NSL1: variants seen among roughly 807,000 people sequenced by gnomAD.
NSL1 encodes the protein kinetochore-associated protein NSL1 homolog.
NSL1 carries 11 observed loss-of-function variants against 25.4 expected under a neutral mutation model. The observed-to-expected ratio is 0.43, with a 90% CI of 0.27 to 0.72. The LOEUF (loss-of-function observed/expected upper bound fraction) is 0.72. NSL1 is among the 30% of genes least tolerant of loss of function. NSL1 has a pLI of 0.19. For synonymous variants in NSL1, 118 were observed against 120.6 expected, an observed-to-expected ratio of 0.98 and a Z score of 0.14; for missense variants, 330 against 342.7, an observed-to-expected ratio of 0.96 and a Z score of 0.29.
In NSL1 at chr1:212,727,023, G is replaced by C; in HGVS notation, c.*11385C>G. The C allele has an allele frequency of 7.5e-7, 1 of 1,330,328 alleles. No individual in the cohort carries two copies. The highest frequency in any genetic ancestry group is 1.4e-5 in the South Asian group (1 of 71,238). 82.4% of individuals were successfully genotyped at this position (1,330,328 alleles called of 1,614,324 possible). A position where few individuals can be genotyped will look rare whatever the true frequency, so the allele number is the denominator to read the frequency against. On this transcript the variant is annotated 3_prime_UTR_variant, in exon 6 of 6. Coordinates refer to ENST00000366977, the MANE Select transcript of NSL1 (RefSeq NM_015471.4). Reference sequence around the variant, plus strand: ...AGGCCCTCCAGTCCAGTCTACTCCGGCCTTGGAGATGACTGCCGAGAGAGG... The same window carrying C: ...AGGCCCTCCAGTCCAGTCTACTCCGCCCTTGGAGATGACTGCCGAGAGAGG...
intron 4 of NSL1, among the ~76,000 whole-genome samples, chr1:212,746,597 A>G (rs1175276146): frequency 6.6e-6 from 1 of 152,208 alleles, no homozygotes; most frequent in Non-Finnish European, 1.5e-5. Context: ...TGGCAAACGG[A>G]TAAGAAAGAC....
At chr1:212,778,931 C>T (rs1171908488) in intron 4 of NSL1, among the ~76,000 whole-genome samples, 5 of 150,434 alleles carry the variant, frequency 3.3e-5, no homozygotes, top group Non-Finnish European at 7.4e-5. Context: ...TCTGCCCAGC[C>T]GCCATCCCAT....
Position 212,733,469 on chromosome 1 carries a change from A to G in NSL1, c.*4939T>C, listed in dbSNP as rs183199385. Among the ~76,000 whole-genome samples the G allele has an allele frequency of 6.6e-6, 1 of 150,552 alleles. No homozygotes were observed. The highest frequency in any genetic ancestry group is 1.5e-5 in the Non-Finnish European group (1 of 67,784). On this transcript the variant is annotated 3_prime_UTR_variant, in exon 6 of 6. Coordinates refer to ENST00000366977, the MANE Select transcript of NSL1 (RefSeq NM_015471.4). Reference sequence around the variant, plus strand: ...AAAAAAAAATCCCATACCCATTAGCAGTCACTTCCTATTCCTTCCACCCTC... The same window carrying G: ...AAAAAAAAATCCCATACCCATTAGCGGTCACTTCCTATTCCTTCCACCCTC...
intron 2 of NSL1, 34 bp downstream of exon 2, chr1:212,787,525 C>A: frequency 6.7e-7 from 1 of 1,493,388 alleles, no homozygotes; most frequent in East Asian, 2.3e-5. Context: ...AAAAATAACC[C>A]AGAAATTAAT....
intron 4 of NSL1, among the ~76,000 whole-genome samples, chr1:212,770,957 C>T (rs1234097739): frequency 3.3e-5 from 5 of 152,262 alleles, no homozygotes; most frequent in South Asian, 4.1e-4. Flanking sequence ...AAATATCATA[C>T]TATCATCTCA....
chr1:212,739,456 A>G (rs1208129864), intron 5 of NSL1, 78 bp downstream of exon 5: 1 of 1,344,344 alleles, frequency 7.4e-7, no homozygotes, highest in Admixed American at 1.9e-5. Context: ...GCAGACTAAA[A>G]CACATATGAA....
Position 212,732,736 on chromosome 1 carries a change from A to T in NSL1, c.*5672T>A. The T allele has an allele frequency of 2.5e-6, 2 of 793,854 alleles. No homozygotes were observed. Among genetic ancestry groups the T allele is most frequent in the Non-Finnish European group, 3.1e-6 (2 of 654,858 alleles). 49.2% of individuals were successfully genotyped at this position (793,854 alleles called of 1,614,324 possible). On this transcript the variant is annotated 3_prime_UTR_variant, in exon 6 of 6. Transcript: ENST00000366977. ...CTGCTTTTTTGGTTTACCCTTTGGA[A>T]TAGAGCACAGCCCCTGGTAGAACCC...
chr1:212,771,611 CAAAAA>C (rs57899487), intron 4 of NSL1, among the ~76,000 whole-genome samples: 2 of 63,906 alleles, frequency 3.1e-5, no homozygotes, highest in East Asian at 1.1e-3. Context: ...AAGACTCCAC[CAAAAA>C]AAAAAAAAAA....
intron 4 of NSL1, among the ~76,000 whole-genome samples, chr1:212,768,233 T>C (rs538220253): frequency 7.3e-6 from 1 of 137,654 alleles, no homozygotes; most frequent in South Asian, 2.2e-4. Context: ...GGCAGGAGAA[T>C]GGCGTGCACC....
rs138531280 is a variant in NSL1, at chr1:212,791,520, G to A, written c.234+10C>T. On this transcript the variant is annotated intron_variant, in intron 1 of 5. Coordinates refer to ENST00000366977, the MANE Select transcript of NSL1 (RefSeq NM_015471.4). ...ATGATGAGTAAAGAACTGGCTAACT[G>A]GTCCCGTACCCACTGCGCATCTCGC... The A allele has an allele frequency of 7.4e-3, 11,921 of 1,609,908 alleles. 72 individuals carry two copies. The highest frequency in any genetic ancestry group is 9.0e-3 in the Non-Finnish European group (10,634 of 1,177,146).
rs78058941 is a variant in NSL1 at position 212,762,697 on chromosome 1, C to T, written c.499+19675G>A. Reference sequence around the variant, plus strand: ...CATCCCCACCTGCAAGTCTGAAAATCCAGACCATGGGAGAAAGCCTTAACC... The same window carrying T: ...CATCCCCACCTGCAAGTCTGAAAATTCAGACCATGGGAGAAAGCCTTAACC... On this transcript the variant is annotated intron_variant, in intron 4 of 5. Coordinates refer to ENST00000366977, the MANE Select transcript of NSL1 (RefSeq NM_015471.4). 9.4e-3 allele frequency among the ~76,000 whole-genome samples: 1,430 copies of T among 152,288 alleles called. 11 individuals are homozygous for T. The highest frequency in any genetic ancestry group is 0.041 in the Middle Eastern group (12 of 294).
chr1:212,753,156 A>T (rs1571880211), intron 4 of NSL1, among the ~76,000 whole-genome samples: 1 of 152,162 alleles, frequency 6.6e-6, no homozygotes, highest in African/African-American at 2.4e-5. Context: ...AGTAGATGAA[A>T]TCCTCTGCAG....
intron 4 of NSL1, among the ~76,000 whole-genome samples, chr1:212,768,501 A>G (rs112405687): frequency 0.023 from 3,464 of 152,302 alleles, 64 homozygotes; most frequent in South Asian, 0.042. Flanking sequence ...ATGCCCATCA[A>G]CCAACTAGTG....
chr1:212,764,250 T>C (rs1659698672), intron 4 of NSL1, among the ~76,000 whole-genome samples: 1 of 152,150 alleles, frequency 6.6e-6, no homozygotes, highest in Non-Finnish European at 1.5e-5. Flanking sequence ...ACACAACTTA[T>C]CAAAACCTCT....
intron 5 of NSL1, among the ~76,000 whole-genome samples, 160 bp downstream of exon 5, chr1:212,739,374 T>A (rs1658390266): frequency 6.6e-6 from 1 of 152,236 alleles, no homozygotes; most frequent in Admixed American, 6.5e-5. Flanking sequence ...ATGGCAGCTA[T>A]TCTAAATGTT....
Position 212,735,301 on chromosome 1 carries a change from T to A in NSL1, c.*3107A>T, listed in dbSNP as rs1255699342. ...AGGCTGTGCTCTTAAGATCTCTGAC[T>A]TTTGATCCGAGTAGGTGTCCAACTG... On this transcript the variant is annotated 3_prime_UTR_variant, in exon 6 of 6. Coordinates refer to ENST00000366977, the MANE Select transcript of NSL1 (RefSeq NM_015471.4). 1.0e-6 allele frequency: 1 copy of A among 985,320 alleles called. No individual in the cohort carries two copies. Among genetic ancestry groups the A allele is most frequent in the East Asian group, 1.1e-4 (1 of 8,820 alleles). 61.0% of individuals were successfully genotyped at this position (985,320 alleles called of 1,614,324 possible).
intron 1 of NSL1, among the ~76,000 whole-genome samples, chr1:212,789,267 A>C (rs1661074593): frequency 6.6e-6 from 1 of 152,140 alleles, no homozygotes; most frequent in Non-Finnish European, 1.5e-5. Context: ...GCTGGAGTGC[A>C]ATGGCGCAAT....
At position 212,730,804 on chromosome 1, in the gene NSL1, T is replaced by A. The variant is rs1220315940; in HGVS notation, c.*7604A>T. On this transcript the variant is annotated 3_prime_UTR_variant, in exon 6 of 6. Coordinates refer to ENST00000366977, the MANE Select transcript of NSL1 (RefSeq NM_015471.4). ...CTAATTCAGGTCAGTTTCCCAGTGA[T>A]CTGTCCTCAGTTTTTTACCTCTCCC... 6.1e-6 allele frequency: 6 copies of A among 985,316 alleles called. No individual in the cohort carries two copies. Among genetic ancestry groups the A allele is most frequent in the Non-Finnish European group, 7.2e-6 (6 of 829,930 alleles). 61.0% of individuals were successfully genotyped at this position (985,316 alleles called of 1,614,324 possible). A position where few individuals can be genotyped will look rare whatever the true frequency, so the allele number is the denominator to read the frequency against.
At chr1:212,738,766 A>ATT (rs72163165) in intron 5 of NSL1, 80 bp from the exon 6 acceptor site, 2,205 of 958,148 alleles carry the variant, frequency 2.3e-3, no homozygotes, top group South Asian at 3.8e-3. Context: ...CAGTACTCTA[A>ATT]TTTTTTTTTT....
Sources: gnomAD v4.1 joint callset for allele counts (sites outside exome capture counted in the v4.1 genomes callset) on GRCh38, gnomAD v4.1.1 for gene constraint, MANE v1.5 for transcripts, NCBI Gene and HGNC (gene_info 2026-07-23, HGNC 2026-07-21) for gene names.